Variants in CADM2 observed in about 807,000 individuals in gnomAD.
The protein encoded by CADM2 is immunoglobulin superfamily member 4D.
CADM2 carries 12 observed loss-of-function variants against 49.8 expected under a neutral mutation model. That is an observed-to-expected ratio of 0.24 (90% confidence interval 0.15 to 0.39). The LOEUF is 0.39. Among genes scored for constraint, CADM2 ranks in the 10% least tolerant of loss-of-function variants. The pLI, the probability that CADM2 is intolerant of heterozygous loss-of-function variation, is 1.00. For synonymous variants in CADM2, 214 were observed against 175.4 expected, an observed-to-expected ratio of 1.22 and a Z score of -1.74; for missense variants, 378 against 492.3, an observed-to-expected ratio of 0.77 and a Z score of 2.20.
At chr3:85,716,298 T>C (rs1001699760) in intron 1 of CADM2, among the ~76,000 whole-genome samples, 1 of 152,230 alleles carries the variant, frequency 6.6e-6, no homozygotes, top group African/African-American at 2.4e-5. Flanking sequence ...TGCATGAATG[T>C]CTTCTTTGGA....
At chr3:86,000,074 A>G (rs1729976560) in intron 8 of CADM2, among the ~76,000 whole-genome samples, 1 of 152,220 alleles carries the variant, frequency 6.6e-6, no homozygotes, top group Non-Finnish European at 1.5e-5. Context: ...TTCATACATT[A>G]GCCTTGAACA....
chr3:84,979,711 C>A (rs757682490), intron 1 of CADM2, among the ~76,000 whole-genome samples: 131 of 151,624 alleles, frequency 8.6e-4, no homozygotes, highest in Non-Finnish European at 6.9e-4. Context: ...AAAAGGTGTT[C>A]TTCAACTACT....
At chr3:85,657,761 GAT>G (rs763157128) in intron 1 of CADM2, among the ~76,000 whole-genome samples, 11 of 111,570 alleles carry the variant, frequency 9.9e-5, no homozygotes, top group East Asian at 9.2e-4. Context: ...TATATACACA[GAT>G]ATATATATAT....
chr3:85,591,754 A>G (rs373140714), intron 1 of CADM2, among the ~76,000 whole-genome samples: 2 of 152,156 alleles, frequency 1.3e-5, no homozygotes, highest in African/African-American at 4.8e-5. Context: ...GATGTGTACC[A>G]TCTGCATGGG....
chr3:85,192,661 G>T (rs1381909885), intron 1 of CADM2, among the ~76,000 whole-genome samples: 1 of 151,200 alleles, frequency 6.6e-6, no homozygotes, highest in Non-Finnish European at 1.5e-5. Flanking sequence ...TAAAAATGAA[G>T]ATCAATGTGA....
chr3:85,424,540 A>T (rs950294404), intron 1 of CADM2, among the ~76,000 whole-genome samples: 1 of 152,088 alleles, frequency 6.6e-6, no homozygotes, highest in Non-Finnish European at 1.5e-5. Flanking sequence ...GCATCACCCC[A>T]ATTGATGGGC....
intron 1 of CADM2, among the ~76,000 whole-genome samples, chr3:85,312,164 G>A (rs1343559432): frequency 6.6e-6 from 1 of 151,876 alleles, no homozygotes; most frequent in East Asian, 1.9e-4. Flanking sequence ...CCCCACGTTA[G>A]AATCATCTCT....
In CADM2 at chr3:86,047,492, A is replaced by T. The variant is rs547548908; in HGVS notation, c.971-18113A>T. On this transcript the variant is annotated intron_variant, in intron 8 of 9. Coordinates refer to ENST00000383699, the MANE Select transcript of CADM2 (RefSeq NM_001167675.2). ...CAGGAAATGAGTTTGTCAGTTGCAAACTGATTTAGTCATGACCCTCTGGGT... is the reference window on the plus strand; with the variant it reads ...CAGGAAATGAGTTTGTCAGTTGCAATCTGATTTAGTCATGACCCTCTGGGT... Among the ~76,000 whole-genome samples the T allele has an allele frequency of 5.9e-5, 9 of 152,260 alleles. No homozygotes were observed. The South Asian group carries it at 1.9e-3, about 32-fold the overall frequency.
chr3:85,275,275 A>C (rs1196468661), intron 1 of CADM2, among the ~76,000 whole-genome samples: 5 of 151,506 alleles, frequency 3.3e-5, no homozygotes, highest in Middle Eastern at 3.2e-3. Flanking sequence ...AAAAATTCCA[A>C]ATGGTGTTTT....
At chr3:85,690,013 A>G (rs2066333992) in intron 1 of CADM2, among the ~76,000 whole-genome samples, 1 of 152,206 alleles carries the variant, frequency 6.6e-6, no homozygotes. Context: ...AAAGACCTTG[A>G]GGTCCCATGC....
At chr3:85,647,557 G>C (rs1475188434) in intron 1 of CADM2, among the ~76,000 whole-genome samples, 1 of 151,274 alleles carries the variant, frequency 6.6e-6, no homozygotes, top group Non-Finnish European at 1.5e-5. Flanking sequence ...TTTTTGCATA[G>C]AGAGTGTTTT....
chr3:85,157,952 G>A (rs1221932782), intron 1 of CADM2, among the ~76,000 whole-genome samples: 2 of 151,838 alleles, frequency 1.3e-5, no homozygotes, highest in African/African-American at 4.8e-5. Flanking sequence ...CTGACAAAGG[G>A]CTAATATCCA....
intron 8 of CADM2, among the ~76,000 whole-genome samples, chr3:85,987,508 C>A (rs966544439): frequency 6.7e-6 from 1 of 149,720 alleles, no homozygotes; most frequent in African/African-American, 2.4e-5. Context: ...TTCTGAAAAA[C>A]AATCCCTAAG....
chr3:85,379,967 T>G (rs1453353086), intron 1 of CADM2, among the ~76,000 whole-genome samples: 1 of 152,024 alleles, frequency 6.6e-6, no homozygotes, highest in East Asian at 1.9e-4. Flanking sequence ...TAGCAAACAT[T>G]TCTGTTTTTC....
chr3:85,692,393 A>G (rs2066415362), intron 1 of CADM2, among the ~76,000 whole-genome samples: 1 of 152,188 alleles, frequency 6.6e-6, no homozygotes, highest in South Asian at 2.1e-4. Context: ...CGCAAGTTTT[A>G]TGGAATCTTG....
chr3:85,203,346 T>C (rs2041555842), intron 1 of CADM2, among the ~76,000 whole-genome samples: 1 of 152,068 alleles, frequency 6.6e-6, no homozygotes, highest in Admixed American at 6.6e-5. Context: ...ATAATTTTAA[T>C]ATTATTGTGT....
chr3:84,967,475 A>G (rs976149701), intron 1 of CADM2, among the ~76,000 whole-genome samples: 2 of 152,178 alleles, frequency 1.3e-5, no homozygotes, highest in Non-Finnish European at 2.9e-5. Context: ...AGTTTAAATG[A>G]GAAATAATGT....
In CADM2 at chr3:85,410,207, T is replaced by C. The variant is rs923098342; in HGVS notation, c.62-316315T>C. ...TTCCTTATATAAGTGTTTGTATTCA[T>C]ATGCATATCGCCACTAAGGCATATC... On this transcript the variant is annotated intron_variant, in intron 1 of 9. Transcript: ENST00000383699. Among the ~76,000 whole-genome samples the C allele has an allele frequency of 4.6e-5, 7 of 152,324 alleles. 2 individuals are homozygous for C. The highest frequency in any genetic ancestry group is 4.6e-4 in the Admixed American group (7 of 15,294).
chr3:85,899,798 C>G (rs1715849524), intron 5 of CADM2, among the ~76,000 whole-genome samples: 1 of 152,114 alleles, frequency 6.6e-6, no homozygotes, highest in South Asian at 2.1e-4. Flanking sequence ...CATTTACGGT[C>G]CTGTTTGAAC....
Sources: gnomAD v4.1 joint callset for allele counts (sites outside exome capture counted in the v4.1 genomes callset) on GRCh38, gnomAD v4.1.1 for gene constraint, MANE v1.5 for transcripts, NCBI Gene and HGNC (gene_info 2026-07-23, HGNC 2026-07-21) for gene names.